The following NLGN1 variants were observed in gnomAD, a reference collection of about 807,000 sequenced individuals.
The protein encoded by NLGN1 is neuroligin-1.
NLGN1 carries 12 observed loss-of-function variants against 65.5 expected under a neutral mutation model. The ratio of observed to expected loss-of-function variants is 0.18; its 90% CI spans 0.12 to 0.30. The LOEUF (loss-of-function observed/expected upper bound fraction) is 0.30. Among genes scored for constraint, NLGN1 ranks in the 10% least tolerant of loss-of-function variants. The pLI is 1.00. For synonymous variants in NLGN1, 350 were observed against 359.5 expected (o/e 0.97, Z 0.30); for missense variants, 750 against 1,007.1 (o/e 0.74, Z 3.46).
At chr3:174,234,963 C>T (rs1486540533) in intron 4 of NLGN1, among the ~76,000 whole-genome samples, 2 of 99,052 alleles carry the variant, frequency 2.0e-5, no homozygotes, top group Admixed American at 1.1e-4. Flanking sequence ...TCCTTCTGAG[C>T]TTTGTAAAAT....
At chr3:174,176,640 G>T (rs1449935441) in intron 4 of NLGN1, among the ~76,000 whole-genome samples, 2 of 152,016 alleles carry the variant, frequency 1.3e-5, no homozygotes, top group Non-Finnish European at 2.9e-5. Flanking sequence ...TTCAAATGCA[G>T]AACAGTGAAT....
chr3:173,833,681 G>A (rs1723040555), intron 4 of NLGN1, among the ~76,000 whole-genome samples: 1 of 151,964 alleles, frequency 6.6e-6, no homozygotes, highest in African/African-American at 2.4e-5. Context: ...ACCACACCCT[G>A]CTAATTTTGT....
chr3:173,491,996 G>T (rs939394926), intron 2 of NLGN1, among the ~76,000 whole-genome samples: 3 of 151,672 alleles, frequency 2.0e-5, no homozygotes, highest in Non-Finnish European at 4.4e-5. Flanking sequence ...CTTGAGTGCT[G>T]TAATTCCTCC....
chr3:173,712,751 A>G (rs933646073), intron 3 of NLGN1, among the ~76,000 whole-genome samples: 1 of 152,190 alleles, frequency 6.6e-6, no homozygotes, highest in Non-Finnish European at 1.5e-5. Context: ...ATCCTTATAT[A>G]TAAGTGCAAC....
intron 4 of NLGN1, among the ~76,000 whole-genome samples, chr3:173,976,130 C>T (rs547728123): frequency 9.9e-5 from 15 of 152,130 alleles, no homozygotes; most frequent in Non-Finnish European, 1.8e-4. Context: ...GTTTTTATTA[C>T]GTTATTCAAC....
At chr3:173,736,458 A>G (rs886155092) in intron 3 of NLGN1, among the ~76,000 whole-genome samples, 3 of 152,074 alleles carry the variant, frequency 2.0e-5, no homozygotes, top group African/African-American at 7.2e-5. Context: ...ATGCAGAACC[A>G]ATATCAAAAA....
chr3:173,922,100 G>A (rs1742127949), intron 4 of NLGN1, among the ~76,000 whole-genome samples: 1 of 151,948 alleles, frequency 6.6e-6, no homozygotes, highest in African/African-American at 2.4e-5. Flanking sequence ...AATGTTTTAA[G>A]GAAACAGCCT....
intron 4 of NLGN1, among the ~76,000 whole-genome samples, chr3:173,866,009 C>A (rs1005225823): frequency 6.6e-6 from 1 of 152,142 alleles, no homozygotes; most frequent in African/African-American, 2.4e-5. Context: ...AACTCTACCT[C>A]GGCAGGGTTA....
At chr3:174,127,329 G>A (rs1719152628) in intron 4 of NLGN1, among the ~76,000 whole-genome samples, 1 of 151,908 alleles carries the variant, frequency 6.6e-6, no homozygotes, top group South Asian at 2.1e-4. Context: ...CCAAGGGTGT[G>A]GTTATTTTCT....
chr3:174,055,309 G>T (rs1735821920), intron 4 of NLGN1, among the ~76,000 whole-genome samples: 1 of 151,812 alleles, frequency 6.6e-6, no homozygotes, highest in Non-Finnish European at 1.5e-5. Context: ...TCTGGTTGAG[G>T]GAACTGGGAA....
chr3:173,675,084 A>G (rs1762943076), intron 3 of NLGN1, among the ~76,000 whole-genome samples: 1 of 152,070 alleles, frequency 6.6e-6, no homozygotes, highest in Non-Finnish European at 1.5e-5. Flanking sequence ...TATAAAACAT[A>G]TTAATTATTA....
chr3:173,402,357 A>G (rs937981148), intron 1 of NLGN1, among the ~76,000 whole-genome samples: 1 of 152,092 alleles, frequency 6.6e-6, no homozygotes. Flanking sequence ...TTTTCTTCCT[A>G]TTCTTGTTTA....
intron 1 of NLGN1, among the ~76,000 whole-genome samples, chr3:173,424,496 A>G (rs11706467): frequency 0.069 from 10,552 of 152,270 alleles, 452 homozygotes; most frequent in Non-Finnish European, 0.098. Context: ...CTTTGTGATC[A>G]TATATAACTG....
intron 3 of NLGN1, among the ~76,000 whole-genome samples, chr3:173,607,428 A>T (rs2149456592): frequency 6.6e-6 from 1 of 151,918 alleles, no homozygotes; most frequent in Non-Finnish European, 1.5e-5. Flanking sequence ...TTATTATTAA[A>T]TACATTCTGC....
At chr3:173,415,943 A>AGAGAGAGAGAGAGCGAGAGC (rs141095727) in intron 1 of NLGN1, among the ~76,000 whole-genome samples, 13 of 142,868 alleles carry the variant, frequency 9.1e-5, no homozygotes, top group African/African-American at 3.3e-4. Flanking sequence ...AGAGAGAGAG[A>AGAGAGAGAGAGAGCGAGAGC]GCTTGGTATA....
intron 4 of NLGN1, among the ~76,000 whole-genome samples, chr3:174,269,617 T>A (rs1748959508): frequency 6.6e-6 from 1 of 151,980 alleles, no homozygotes; most frequent in Non-Finnish European, 1.5e-5. Context: ...GGTTGCTTCC[T>A]CTTGGCTATT....
chr3:173,527,619 G>C (rs1260287836), intron 2 of NLGN1, among the ~76,000 whole-genome samples: 2 of 152,104 alleles, frequency 1.3e-5, no homozygotes. Flanking sequence ...GGATAGTCTC[G>C]ATCTCCTGAC....
chr3:173,785,853 A>G (rs1336145010), intron 3 of NLGN1, among the ~76,000 whole-genome samples: 2 of 152,202 alleles, frequency 1.3e-5, no homozygotes, highest in Non-Finnish European at 2.9e-5. Context: ...TATAGTATCA[A>G]ACATTTCCAT....
chr3:174,033,512 T>C (rs1456492714), intron 4 of NLGN1, among the ~76,000 whole-genome samples: 1 of 97,342 alleles, frequency 1.0e-5, no homozygotes, highest in South Asian at 3.1e-4. Flanking sequence ...AAATATCAAA[T>C]GGGGCATTTA....
Sources: gnomAD v4.1 joint callset for allele counts (sites outside exome capture counted in the v4.1 genomes callset) on GRCh38, gnomAD v4.1.1 for gene constraint, MANE v1.5 for transcripts, NCBI Gene and HGNC (gene_info 2026-07-23, HGNC 2026-07-21) for gene names.